The following HDAC9 variants were observed in gnomAD, a reference collection of about 807,000 sequenced individuals.
HDAC9 encodes the protein histone deacetylase 9, also known as MEF-2 interacting transcription repressor (MITR) protein.
A neutral mutation model predicts 139.4 loss-of-function variants in HDAC9; 41 were observed. The observed-to-expected ratio is 0.29, with a 90% confidence interval of 0.23 to 0.38. HDAC9 has a LOEUF of 0.38. Ranked by LOEUF, HDAC9 falls within the 10% of genes least tolerant of loss-of-function variation. HDAC9 has a pLI of 1.00. For missense variants in HDAC9, 1,147 were observed against 1,297.0 expected, an observed-to-expected ratio of 0.88 and a Z score of 1.78; for synonymous variants, 517 against 476.2, an observed-to-expected ratio of 1.09 and a Z score of -1.12.
At chr7:18,583,688 A>G (rs975124007) in intron 2 of HDAC9, among the ~76,000 whole-genome samples, 10 of 152,184 alleles carry the variant, frequency 6.6e-5, no homozygotes, top group Non-Finnish European at 1.3e-4. Flanking sequence ...AGGAAGTTCT[A>G]GACTGCAGTG....
chr7:18,528,203 G>T lies in HDAC9; in HGVS notation c.22+31879G>T, dbSNP rs573761668. On this transcript the variant is annotated intron_variant, in intron 2 of 25. Coordinates refer to ENST00000686413, the MANE Select transcript of HDAC9 (RefSeq NM_178425.4). ...GTGGTGGCACATGGGAAGCTGAGGT[G>T]GGAGGATTGGGGAGGTCGAGGGTGC... is the stretch of plus-strand genomic sequence containing the variant. Among the ~76,000 whole-genome samples the T allele has an allele frequency of 1.8e-4, 27 of 150,614 alleles. No homozygotes were observed. In the South Asian group the frequency reaches 5.4e-3, roughly 30 times the overall value.
intron 22 of HDAC9, among the ~76,000 whole-genome samples, chr7:18,879,137 ACT>A (rs1799537612): frequency 6.6e-6 from 1 of 151,978 alleles, no homozygotes. Flanking sequence ...GAATTACAAA[ACT>A]CTGCTCAAAG....
intron 2 of HDAC9, among the ~76,000 whole-genome samples, chr7:18,573,318 G>A (rs925001168): frequency 2.0e-5 from 3 of 152,242 alleles, no homozygotes; most frequent in Non-Finnish European, 4.4e-5. Flanking sequence ...TTTATTCCAC[G>A]ATAATGTTAT....
chr7:18,186,481 A>G (rs1789925217), intron 2 of HDAC9, among the ~76,000 whole-genome samples: 2 of 152,308 alleles, frequency 1.3e-5, no homozygotes, highest in African/African-American at 4.8e-5. Context: ...ACACTCAAAA[A>G]TTCCCAAAGC....
chr7:18,634,417 T>G (rs2285430), intron 7 of HDAC9, among the ~76,000 whole-genome samples: 69,101 of 151,510 alleles, frequency 0.46, 17,202 homozygotes, highest in South Asian at 0.61. Flanking sequence ...TGAACACTAT[T>G]TAGTATGTTT....
intron 2 of HDAC9, among the ~76,000 whole-genome samples, chr7:18,572,522 C>T (rs940220208): frequency 2.0e-5 from 3 of 151,862 alleles, no homozygotes; most frequent in African/African-American, 7.2e-5. Context: ...GCACCATCTT[C>T]CTCGTAGTTC....
At chr7:18,622,788 T>C (rs1272315359) in intron 6 of HDAC9, among the ~76,000 whole-genome samples, 1 of 151,916 alleles carries the variant, frequency 6.6e-6, no homozygotes, top group Non-Finnish European at 1.5e-5. Context: ...TACCACACAA[T>C]GTGGTATTGA....
At chr7:18,530,960 G>T (rs576813080) in intron 2 of HDAC9, among the ~76,000 whole-genome samples, 1 of 151,770 alleles carries the variant, frequency 6.6e-6, no homozygotes, top group Non-Finnish European at 1.5e-5. Flanking sequence ...ACTCGTTTCA[G>T]TACTCCAGCC....
At chr7:18,903,030 G>A (rs551255413) in intron 22 of HDAC9, among the ~76,000 whole-genome samples, 61 of 152,322 alleles carry the variant, frequency 4.0e-4, no homozygotes, top group African/African-American at 1.5e-3. Flanking sequence ...TTATGTAGGG[G>A]AATATGAACA....
chr7:18,208,341 A>G (rs1289250379), intron 2 of HDAC9, among the ~76,000 whole-genome samples: 2 of 149,778 alleles, frequency 1.3e-5, no homozygotes, highest in Non-Finnish European at 3.0e-5. Flanking sequence ...GGATGGACCT[A>G]GTCATTTGTA....
At chr7:18,822,831 A>G (rs1795089095) in intron 17 of HDAC9, among the ~76,000 whole-genome samples, 1 of 152,216 alleles carries the variant, frequency 6.6e-6, no homozygotes, top group Admixed American at 6.5e-5. Context: ...TCATTTGTGA[A>G]ATGGGGATAA....
chr7:18,407,704 A>G (rs9648240), intron 1 of HDAC9, among the ~76,000 whole-genome samples: 3,618 of 152,338 alleles, frequency 0.024, 59 homozygotes, highest in East Asian at 0.076. Flanking sequence ...ACCATTCGAT[A>G]GAACAATAGT....
At chr7:18,092,262 T>C (rs1782211164) in intron 1 of HDAC9, among the ~76,000 whole-genome samples, 1 of 152,070 alleles carries the variant, frequency 6.6e-6, no homozygotes, top group Non-Finnish European at 1.5e-5. Flanking sequence ...TGATGGTGTG[T>C]GCCTGAAGTC....
intron 21 of HDAC9, among the ~76,000 whole-genome samples, chr7:18,854,866 A>C (rs538042298): frequency 6.6e-6 from 1 of 152,168 alleles, no homozygotes; most frequent in East Asian, 1.9e-4. Flanking sequence ...TATAGCATTA[A>C]TGGTCTATAT....
intron 15 of HDAC9, among the ~76,000 whole-genome samples, chr7:18,765,204 T>C (rs1789724279): frequency 6.6e-6 from 1 of 152,238 alleles, no homozygotes; most frequent in African/African-American, 2.4e-5. Context: ...ATGCCTGTTT[T>C]GTATTATGTA....
In HDAC9 at chr7:18,909,493, A is replaced by T. The variant is rs142469397; in HGVS notation, c.2804-26316A>T. ...CTGAATGTCCCAAAGCATTTCCCCT[A>T]TGTTTTCTTTTAGTAGTTTCGTAGT... On this transcript the variant is annotated intron_variant, in intron 22 of 25. Coordinates refer to ENST00000686413, the MANE Select transcript of HDAC9 (RefSeq NM_178425.4). 5.4e-3 allele frequency among the ~76,000 whole-genome samples: 823 copies of T among 151,888 alleles called. 8 individuals are homozygous for T. The highest frequency in any genetic ancestry group is 0.019 in the African/African-American group (783 of 41,438).
intron 17 of HDAC9, among the ~76,000 whole-genome samples, chr7:18,800,964 G>C (rs145984135): frequency 2.7e-4 from 41 of 152,122 alleles, no homozygotes; most frequent in African/African-American, 9.9e-4. Flanking sequence ...GTACAAAGGG[G>C]CTGTTTATTT....
chr7:18,228,807 T>C (rs900313567), intron 2 of HDAC9, among the ~76,000 whole-genome samples: 3 of 152,160 alleles, frequency 2.0e-5, no homozygotes, highest in African/African-American at 7.2e-5. Context: ...AGGGTAAAGT[T>C]TGCAGCCTTC....
chr7:18,235,646 A>G (rs1793765985), intron 2 of HDAC9, among the ~76,000 whole-genome samples: 1 of 152,230 alleles, frequency 6.6e-6, no homozygotes, highest in South Asian at 2.1e-4. Context: ...TTAATCCTTA[A>G]CTATTTTCAA....
Sources: allele counts gnomAD v4.1 joint callset (sites outside exome capture counted in the v4.1 genomes callset), GRCh38; gene constraint gnomAD v4.1.1; transcripts MANE v1.5; gene names NCBI Gene and HGNC (gene_info 2026-07-23, HGNC 2026-07-21).